Variants in TENM4 observed in about 807,000 individuals in gnomAD.
TENM4 encodes the protein teneurin transmembrane protein 4.
A neutral mutation model predicts 243.3 loss-of-function variants in TENM4; 82 were observed. The observed-to-expected ratio is 0.34, with a 90% confidence interval of 0.28 to 0.40. The LOEUF (loss-of-function observed/expected upper bound fraction) is 0.40. TENM4 is among the 10% of genes least tolerant of loss of function. The probability of loss-of-function intolerance (pLI) is 1.00; values close to 1 mark genes in which losing one functional copy is unlikely to be tolerated. For missense variants in TENM4, 3,138 were observed against 3,673.3 expected (o/e 0.85, Z 3.77); for synonymous variants, 1,412 against 1,456.3 (o/e 0.97, Z 0.69).
At chr11:79,415,346 C>T (rs1053012688) in intron 1 of TENM4, among the ~76,000 whole-genome samples, 2 of 152,192 alleles carry the variant, frequency 1.3e-5, no homozygotes, top group Non-Finnish European at 2.9e-5. Context: ...GGTTGACTCA[C>T]GTGAATTTTC....
chr11:78,922,000 C>G (rs1302868979), intron 6 of TENM4, among the ~76,000 whole-genome samples: 1 of 152,316 alleles, frequency 6.6e-6, no homozygotes, highest in South Asian at 2.1e-4. Context: ...CAGCCCTAAC[C>G]AGATGCAGTG....
intron 1 of TENM4, among the ~76,000 whole-genome samples, chr11:79,314,646 A>G (rs925932637): frequency 2.0e-5 from 3 of 152,184 alleles, no homozygotes; most frequent in Non-Finnish European, 4.4e-5. Context: ...TTAGTTACTT[A>G]TTTGTTAGAT....
chr11:78,772,902 A>G (rs1856669878), intron 17 of TENM4, among the ~76,000 whole-genome samples: 1 of 152,256 alleles, frequency 6.6e-6, no homozygotes, highest in Non-Finnish European at 1.5e-5. Context: ...CTGCTGGGAA[A>G]GATGAGAGGC....
chr11:78,881,138 C>T (rs1855422422), intron 9 of TENM4, among the ~76,000 whole-genome samples: 1 of 152,180 alleles, frequency 6.6e-6, no homozygotes. Context: ...GGGACAATGT[C>T]TGAGCAGTGG....
chr11:78,900,259 C>T (rs1006886658), intron 7 of TENM4, among the ~76,000 whole-genome samples: 1 of 152,164 alleles, frequency 6.6e-6, no homozygotes, highest in Non-Finnish European at 1.5e-5. Context: ...TTTATTTTCT[C>T]CATTTTAGAG....
intron 2 of TENM4, among the ~76,000 whole-genome samples, chr11:79,245,367 T>C (rs2135290600): frequency 6.6e-6 from 1 of 152,342 alleles, no homozygotes; most frequent in South Asian, 2.1e-4. Flanking sequence ...CAGTTGTCAA[T>C]AGGGCATTAG....
rs1348275829 is a variant in TENM4 at position 78,854,131 on chromosome 11, C to T, written c.1654G>A (p.Val552Met). 12 of 1,551,750 alleles carry T rather than the reference C, an allele frequency of 7.7e-6. No homozygotes were observed. The East Asian group carries it at 1.7e-4, about 22-fold the overall frequency. ...AFYNDGKESE[V>M]VSFLTTAIES... The stretch of plus-strand genomic sequence containing the variant: ...ATGGCAGTGGTGAGAAAGGAAACCA[C>T]TTCTGACTCCTTTCCGTCATTGTAA... Residue 552 changes from valine to methionine, a missense_variant, in exon 12 of 34, where the codon GTG becomes ATG. By Grantham distance (21) the Val-to-Met change is conservative. This residue lies in a region of TENM4 where 2,467 missense variants were observed against 3,059.1 expected (regional missense o/e 0.81). Coordinates refer to ENST00000278550, the MANE Select transcript of TENM4 (RefSeq NM_001098816.3).
intron 1 of TENM4, among the ~76,000 whole-genome samples, chr11:79,362,381 C>T (rs771230902): frequency 2.5e-4 from 38 of 152,102 alleles, no homozygotes; most frequent in East Asian, 1.9e-4. Flanking sequence ...ACTGTATACA[C>T]GGAAATAGGA....
chr11:78,759,748 T>C (rs1443379692), intron 18 of TENM4, among the ~76,000 whole-genome samples: 3 of 152,226 alleles, frequency 2.0e-5, no homozygotes, highest in African/African-American at 4.8e-5. Flanking sequence ...AAGGAATGCA[T>C]CATTGAATCC....
intron 2 of TENM4, among the ~76,000 whole-genome samples, chr11:79,221,947 G>C (rs550862050): frequency 6.6e-6 from 1 of 152,182 alleles, no homozygotes; most frequent in Non-Finnish European, 1.5e-5. Flanking sequence ...GAGCCTGCTT[G>C]CCTTCTTCTG....
chr11:78,704,139 C>G (rs1859180639), intron 27 of TENM4, among the ~76,000 whole-genome samples: 1 of 116,444 alleles, frequency 8.6e-6, no homozygotes, highest in Non-Finnish European at 1.8e-5. Context: ...ACGTGTATGT[C>G]TATGTGTATG....
intron 4 of TENM4, among the ~76,000 whole-genome samples, chr11:79,104,314 A>G (rs550072084): frequency 5.9e-5 from 9 of 152,240 alleles, no homozygotes; most frequent in Non-Finnish European, 1.0e-4. Context: ...ACAGAAAAGA[A>G]TAAAGAAAAT....
At chr11:79,417,717 G>T (rs1858848369) in intron 1 of TENM4, among the ~76,000 whole-genome samples, 1 of 152,172 alleles carries the variant, frequency 6.6e-6, no homozygotes, top group Admixed American at 6.5e-5. Context: ...TGCTTCATCA[G>T]AATAGAATCC....
At position 79,367,967 on chromosome 11, in the gene TENM4, T is replaced by C. The variant is rs1205604726; in HGVS notation, c.-320-70424A>G. Among the ~76,000 whole-genome samples the C allele has an allele frequency of 7.9e-5, 12 of 152,218 alleles. No homozygotes were observed. In the East Asian group the frequency reaches 2.3e-3, roughly 29 times the overall value. On this transcript the variant is annotated intron_variant, in intron 1 of 33. Transcript: ENST00000278550. ...GTGATAATCACTTGCTACATCTAAA[T>C]CTGACTAAAGCAGGTGGAGGCTGCT...
intron 19 of TENM4, among the ~76,000 whole-genome samples, chr11:78,751,119 G>A (rs996273119): frequency 1.3e-5 from 2 of 152,096 alleles, no homozygotes; most frequent in Admixed American, 6.5e-5. Context: ...GAACTCAAGC[G>A]ATCCATCTGC....
At chr11:78,714,530 T>C (rs1010349199) in intron 25 of TENM4, among the ~76,000 whole-genome samples, 1 of 151,328 alleles carries the variant, frequency 6.6e-6, no homozygotes, top group African/African-American at 2.5e-5. Flanking sequence ...GTAGCCTGGG[T>C]CCTCTTCAAG....
chr11:79,268,343 A>T (rs1855914160), intron 2 of TENM4, among the ~76,000 whole-genome samples: 1 of 152,248 alleles, frequency 6.6e-6, no homozygotes, highest in Non-Finnish European at 1.5e-5. Flanking sequence ...TGTTTACAAA[A>T]CAGGCAACAG....
At chr11:79,046,985 A>G (rs1859674673) in intron 6 of TENM4, among the ~76,000 whole-genome samples, 1 of 152,214 alleles carries the variant, frequency 6.6e-6, no homozygotes, top group African/African-American at 2.4e-5. Context: ...AACCCATTCT[A>G]ATCTATACAT....
chr11:78,732,877 G>C (rs949558484), intron 20 of TENM4, among the ~76,000 whole-genome samples: 1 of 152,118 alleles, frequency 6.6e-6, no homozygotes, highest in African/African-American at 2.4e-5. Context: ...TGGTACTTAG[G>C]GCCTTTCAAC....
Sources: gnomAD v4.1 joint callset for allele counts (sites outside exome capture counted in the v4.1 genomes callset) on GRCh38, gnomAD v4.1.1 for gene constraint, gnomAD v4.1.1 regional missense constraint, MANE v1.5 for transcripts, NCBI Gene and HGNC (gene_info 2026-07-23, HGNC 2026-07-21) for gene names.